Variants in TOP1 observed in about 807,000 individuals in gnomAD.
TOP1 encodes DNA topoisomerase 1.
A neutral mutation model predicts 111.1 loss-of-function variants in TOP1; 10 were observed. The observed-to-expected ratio is 0.09, with a 90% CI of 0.06 to 0.15. The LOEUF (loss-of-function observed/expected upper bound fraction) is 0.15. Ranked by LOEUF, TOP1 falls within the 10% of genes least tolerant of loss-of-function variation. The pLI is 1.00. For missense variants in TOP1, 474 were observed against 926.7 expected, an observed-to-expected ratio of 0.51 and a Z score of 6.34; for synonymous variants, 271 against 302.9, an observed-to-expected ratio of 0.89 and a Z score of 1.10.
intron 3 of TOP1, chr20:41,073,210 A>C: frequency 1.0e-6 from 1 of 985,400 alleles, no homozygotes. Context: ...GTGATTGCCA[A>C]AAGGCTCAGA....
rs147152064 is a variant in TOP1 at position 41,095,288 on chromosome 20, A to G, written c.731-1932A>G. Among the ~76,000 whole-genome samples, 1,869 of 152,272 alleles carry G rather than the reference A, an allele frequency of 0.012. 11 individuals carry two copies. Among genetic ancestry groups the G allele is most frequent in the Non-Finnish European group, 0.02 (1,346 of 68,004 alleles). ...GGTCTGGAACTCCTGACCTGAAGTG[A>G]TCCTTGCACCGCCTCCTAAAGTGCT... is the stretch of plus-strand genomic sequence containing the variant. On this transcript the variant is annotated intron_variant, in intron 9 of 20. Coordinates refer to ENST00000361337, the MANE Select transcript of TOP1 (RefSeq NM_003286.4). This position sits in a 1 kb window ranked among gnomAD's most constrained non-coding sequence, Gnocchi z 4.6.
At chr20:41,057,656 A>G (rs2033490754) in intron 2 of TOP1, among the ~76,000 whole-genome samples, 1 of 152,110 alleles carries the variant, frequency 6.6e-6, no homozygotes, top group Non-Finnish European at 1.5e-5. Flanking sequence ...CCCTAAGATA[A>G]CTGCTTTTAA....
Position 41,101,440 on chromosome 20 carries a change from CTT to C in TOP1, c.1308+89_1308+90del, listed in dbSNP as rs1477760254. On this transcript the variant is annotated intron_variant, in intron 13 of 20. Transcript: ENST00000361337. The surrounding 1 kb of genome is among the most constrained non-coding windows in gnomAD (Gnocchi z 4.1). ...GTAACGTTCTCGTCCTCTAGAATCACTTTGACAAATTAAAAATCCTCCCCATT... is the reference window on the plus strand; with the variant it reads ...GTAACGTTCTCGTCCTCTAGAATCACTGACAAATTAAAAATCCTCCCCATT... 16 of 1,364,846 alleles carry C rather than the reference CTT, an allele frequency of 1.2e-5. No homozygotes were observed. The highest frequency in any genetic ancestry group is 1.2e-5 in the Non-Finnish European group (12 of 1,014,374). 84.5% of individuals were successfully genotyped at this position (1,364,846 alleles called of 1,614,324 possible). A position where few individuals can be genotyped will look rare whatever the true frequency, so the allele number is the denominator to read the frequency against.
chr20:41,029,539 A>C lies in TOP1; in HGVS notation c.58+84A>C, dbSNP rs1252276801. On this transcript the variant is annotated intron_variant, in intron 2 of 20. Transcript: ENST00000361337. This position sits in a 1 kb window ranked among gnomAD's most constrained non-coding sequence, Gnocchi z 6.1. ...GCCCTGCCGGTGCCGGGCAGAGGAC[A>C]GACATGGCGTCCCAGAGACTAAGTC... 1.8e-6 allele frequency: 2 copies of C among 1,109,292 alleles called. No homozygotes were observed. The highest frequency in any genetic ancestry group is 4.0e-5 in the Admixed American group (2 of 50,006). The allele number at this position is 1,109,292 out of a possible 1,614,324, so 68.7% of individuals were successfully genotyped here. A position where few individuals can be genotyped will look rare whatever the true frequency, so the allele number is the denominator to read the frequency against.
rs1456383874 is a variant in TOP1 at position 41,071,592 on chromosome 20, G to A, written c.156-4579G>A. ...ACTCCTGACCTCAGGTGATCTGCCC[G>A]CCTCGGCCTCCTGAAGTGCTAGGAT... On this transcript the variant is annotated intron_variant, in intron 3 of 20. Coordinates refer to ENST00000361337, the MANE Select transcript of TOP1 (RefSeq NM_003286.4). The surrounding 1 kb of genome is among the most constrained non-coding windows in gnomAD (Gnocchi z 4.3). Among the ~76,000 whole-genome samples the A allele has an allele frequency of 6.6e-6, 1 of 152,016 alleles. No individual in the cohort carries two copies. Among genetic ancestry groups the A allele is most frequent in the Admixed American group, 6.5e-5 (1 of 15,278 alleles).
chr20:41,121,440 G>A lies in TOP1; in HGVS notation c.1951-256G>A, dbSNP rs553706968. Among the ~76,000 whole-genome samples the A allele has an allele frequency of 1.3e-5, 2 of 152,300 alleles. No individual in the cohort carries two copies. The highest frequency in any genetic ancestry group is 1.9e-4 in the East Asian group (1 of 5,188). On this transcript the variant is annotated intron_variant, in intron 18 of 20. Transcript: ENST00000361337. This position sits in a 1 kb window ranked among gnomAD's most constrained non-coding sequence, Gnocchi z 4.2. ...CAGCACCCAGATTCCCAGCCCCAGC[G>A]GGTTCCTTTCCCTGAGCCCCTAGGT... is the stretch of plus-strand genomic sequence containing the variant.
In TOP1 at chr20:41,092,452, C is replaced by T. The variant is rs1256870010; in HGVS notation, c.615-20C>T. On this transcript the variant is annotated intron_variant, in intron 8 of 20. Transcript: ENST00000361337. This position sits in a 1 kb window ranked among gnomAD's most constrained non-coding sequence, Gnocchi z 4.3. ...TAGACAAGGCGATCACTAAATGAGG[C>T]TGTGCTTTGTCTTTTAAAGGTGGGA... The T allele has an allele frequency of 4.7e-6, 6 of 1,270,988 alleles. No individual in the cohort carries two copies. The South Asian group carries it at 5.4e-5, about 12-fold the overall frequency. The allele number at this position is 1,270,988 out of a possible 1,614,324, so 78.7% of individuals were successfully genotyped here.
Position 41,101,240 on chromosome 20 carries a change from C to A in TOP1, c.1195C>A (p.His399Asn), listed in dbSNP as rs768277865. ...CAAGGTTCCTTCTCCTCCTCCAGGA[C>A]ATAAGTGGAAAGAAGTCCGGCATGA... Reference protein sequence around the residue: ...DAKVPSPPPGHKWKEVRHDNK... With the variant: ...DAKVPSPPPGNKWKEVRHDNK... The change falls in exon 13 of 21, where the codon CAT (histidine) becomes AAT (asparagine). Residue 399 changes from histidine (H) to asparagine (N), a missense_variant. Coordinates refer to ENST00000361337, the MANE Select transcript of TOP1 (RefSeq NM_003286.4). This position sits in a 1 kb window ranked among gnomAD's most constrained non-coding sequence, Gnocchi z 4.1. The A allele has an allele frequency of 1.2e-6, 2 of 1,613,988 alleles. No individual in the cohort carries two copies. Among genetic ancestry groups the A allele is most frequent in the South Asian group, 2.2e-5 (2 of 91,088 alleles).
intron 2 of TOP1, among the ~76,000 whole-genome samples, chr20:41,044,529 T>G (rs1206191984): frequency 6.6e-6 from 1 of 152,158 alleles, no homozygotes; most frequent in Admixed American, 6.5e-5. Context: ...AGGGCCTGAT[T>G]CTCCAGAGGT....
chr20:41,066,932 C>G (rs956246153), intron 3 of TOP1, among the ~76,000 whole-genome samples: 11 of 152,204 alleles, frequency 7.2e-5, no homozygotes, highest in African/African-American at 2.6e-4. Flanking sequence ...AAAAACCTGG[C>G]CCGAGTTTCT....
In TOP1 at chr20:41,053,365, G is replaced by A. The variant is rs187860937; in HGVS notation, c.59-8029G>A. On this transcript the variant is annotated intron_variant, in intron 2 of 20. Coordinates refer to ENST00000361337, the MANE Select transcript of TOP1 (RefSeq NM_003286.4). ...CCAGGGTTTTTATTTCATCTTGTTCGCTGGTGGAACCGGGCTGTTTTATCT... is the reference window on the plus strand; with the variant it reads ...CCAGGGTTTTTATTTCATCTTGTTCACTGGTGGAACCGGGCTGTTTTATCT... Among the ~76,000 whole-genome samples the A allele has an allele frequency of 1.9e-3, 292 of 152,172 alleles. 3 individuals are homozygous for A. Among genetic ancestry groups the A allele is most frequent in the South Asian group, 1.5e-3 (7 of 4,822 alleles).
intron 2 of TOP1, among the ~76,000 whole-genome samples, chr20:41,035,865 A>G (rs1369513083): frequency 6.6e-6 from 1 of 152,210 alleles, no homozygotes; most frequent in Non-Finnish European, 1.5e-5. Context: ...AGACTAATCT[A>G]GGAGGCTTCA....
chr20:41,042,152 C>T lies in TOP1; in HGVS notation c.58+12697C>T, dbSNP rs113497217. 5.2e-3 allele frequency among the ~76,000 whole-genome samples: 788 copies of T among 152,272 alleles called. 5 individuals are homozygous for T. The highest frequency in any genetic ancestry group is 0.01 in the Middle Eastern group (3 of 294). On this transcript the variant is annotated intron_variant, in intron 2 of 20. Coordinates refer to ENST00000361337, the MANE Select transcript of TOP1 (RefSeq NM_003286.4). ...CCCAAACTTCTGGCCTCAAGTGATC[C>T]GGCTGCCTCAGCCTCCCAAAGTGCT...
At position 41,092,400 on chromosome 20, in the gene TOP1, G is replaced by A; in HGVS notation, c.615-72G>A. ...AATCAGTTGAGCGGATAATTATTTGGCATTTAATCAGTGATGATCCCCATG... is the reference window on the plus strand; with the variant it reads ...AATCAGTTGAGCGGATAATTATTTGACATTTAATCAGTGATGATCCCCATG... On this transcript the variant is annotated intron_variant, in intron 8 of 20. Transcript: ENST00000361337. This position sits in a 1 kb window ranked among gnomAD's most constrained non-coding sequence, Gnocchi z 4.3. 1 of 677,608 alleles carries A rather than the reference G, an allele frequency of 1.5e-6. No individual in the cohort carries two copies. Among genetic ancestry groups the A allele is most frequent in the South Asian group, 2.4e-5 (1 of 42,068 alleles). 42.0% of individuals were successfully genotyped at this position (677,608 alleles called of 1,614,324 possible).
At chr20:41,072,630 C>T in intron 3 of TOP1, 4 of 985,430 alleles carry the variant, frequency 4.1e-6, no homozygotes, top group Non-Finnish European at 3.6e-6. Flanking sequence ...GGGGTTTGCT[C>T]TTTGCCAGCA....
chr20:41,111,960 G>C (rs1047503714), intron 13 of TOP1, among the ~76,000 whole-genome samples: 1 of 152,020 alleles, frequency 6.6e-6, no homozygotes, highest in African/African-American at 2.4e-5. Flanking sequence ...CTTCACTATT[G>C]TTTAGATTCA....
chr20:41,117,871 A>G (rs1001933001), intron 17 of TOP1, among the ~76,000 whole-genome samples: 2 of 152,116 alleles, frequency 1.3e-5, no homozygotes, highest in South Asian at 2.1e-4. Context: ...AAGGGTCCCT[A>G]GCCAAGTTCC....
rs751456330 is a variant in TOP1, at chr20:41,083,327, T to C, written c.508-1135T>C. Among the ~76,000 whole-genome samples, 6 of 152,226 alleles carry C rather than the reference T, an allele frequency of 3.9e-5. No individual in the cohort carries two copies. Among genetic ancestry groups the C allele is most frequent in the Non-Finnish European group, 8.8e-5 (6 of 68,018 alleles). On this transcript the variant is annotated intron_variant, in intron 7 of 20. Coordinates refer to ENST00000361337, the MANE Select transcript of TOP1 (RefSeq NM_003286.4). The surrounding 1 kb of genome is among the most constrained non-coding windows in gnomAD (Gnocchi z 7.2). ...TCTCCCAAACATACCCACATATTTA[T>C]ATTCTCCGTGCCTGTTTTAAAATAT...
intron 2 of TOP1, among the ~76,000 whole-genome samples, chr20:41,041,804 T>G (rs1255514277): frequency 6.6e-6 from 1 of 152,196 alleles, no homozygotes; most frequent in African/African-American, 2.4e-5. Flanking sequence ...TATCTGAACT[T>G]TACTATCTTA....
Sources: gnomAD v4.1 joint callset for allele counts (sites outside exome capture counted in the v4.1 genomes callset) on GRCh38, gnomAD v4.1.1 for gene constraint, Gnocchi (gnomAD v3.1) non-coding constraint, MANE v1.5 for transcripts, NCBI Gene and HGNC (gene_info 2026-07-23, HGNC 2026-07-21) for gene names.